TDRD1: variants seen among roughly 807,000 people sequenced by gnomAD.
The protein encoded by TDRD1 is tudor domain-containing protein 1.
TDRD1 carries 37 observed loss-of-function variants against 140.6 expected under a neutral mutation model. The ratio of observed to expected loss-of-function variants is 0.26; its 90% CI spans 0.20 to 0.35. TDRD1 has a LOEUF of 0.35. TDRD1 is among the 10% of genes least tolerant of loss of function. The pLI is 1.00. For missense variants in TDRD1, 1,243 were observed against 1,393.0 expected (o/e 0.89, Z 1.71); for synonymous variants, 506 against 475.7 (o/e 1.06, Z -0.83).
At chr10:114,192,982 G>T (rs1277973096) in intron 3 of TDRD1, among the ~76,000 whole-genome samples, 2 of 152,106 alleles carry the variant, frequency 1.3e-5, no homozygotes, top group Non-Finnish European at 2.9e-5. Context: ...AAAAAATATT[G>T]CTGGGATTTT....
At chr10:114,218,734 A>G in intron 18 of TDRD1, 150 bp downstream of exon 18, 1 of 563,638 alleles carries the variant, frequency 1.8e-6, no homozygotes, top group Admixed American at 3.9e-5. Context: ...AATATTGACC[A>G]AAAACGTCCA....
exon 19 of TDRD1, chr10:114,220,651 A>C: frequency 1.2e-6 from 2 of 1,613,746 alleles, no homozygotes; most frequent in Non-Finnish European, 1.7e-6. Context: ...ATTGCAAGCC[A>C]GAGTGGTTGA....
chr10:114,180,370 A>G (rs2032940508), intron 1 of TDRD1, among the ~76,000 whole-genome samples: 1 of 152,214 alleles, frequency 6.6e-6, no homozygotes, highest in African/African-American at 2.4e-5. Context: ...TTTGCCCAAG[A>G]TAGCGTGGCT....
chr10:114,205,924 T>C (rs924418322), intron 10 of TDRD1, among the ~76,000 whole-genome samples: 3 of 152,228 alleles, frequency 2.0e-5, no homozygotes, highest in African/African-American at 7.2e-5. Flanking sequence ...CTCTGTGGTG[T>C]GTTTATTTCA....
chr10:114,181,972 T>C (rs2033107914), intron 1 of TDRD1, among the ~76,000 whole-genome samples: 1 of 152,150 alleles, frequency 6.6e-6, no homozygotes, highest in African/African-American at 2.4e-5. Context: ...CATGTAATGG[T>C]ATGATAATTA....
At chr10:114,214,833 G>T (rs2035710589) in intron 16 of TDRD1, among the ~76,000 whole-genome samples, 2 of 151,834 alleles carry the variant, frequency 1.3e-5, no homozygotes, top group Non-Finnish European at 2.9e-5. Flanking sequence ...TGCCTCCCAG[G>T]TTCAAGCGAT....
chr10:114,203,517 T>C, exon 8 of TDRD1: 6 of 1,613,286 alleles, frequency 3.7e-6, no homozygotes, highest in Non-Finnish European at 5.1e-6. Flanking sequence ...TGAAAAAGAC[T>C]ATATTCCTGT....
chr10:114,232,440 T>C (rs2036805723), downstream of TDRD1: 1 of 151,664 alleles, frequency 6.6e-6, no homozygotes, highest in Non-Finnish European at 1.5e-5. Context: ...ATTTTTTTCA[T>C]GATTTAACTG....
At chr10:114,204,533 AAAGT>A (rs1204256563) in intron 9 of TDRD1, among the ~76,000 whole-genome samples, 185 bp from the exon 10 acceptor site, 3 of 152,230 alleles carry the variant, frequency 2.0e-5, no homozygotes, top group East Asian at 3.8e-4. Flanking sequence ...TCAAGTACCA[AAAGT>A]AAGCGTTATG....
At chr10:114,226,090 G>C (rs772337540) in exon 22 of TDRD1, 1 of 1,614,084 alleles carries the variant, frequency 6.2e-7, no homozygotes. Context: ...GGGGACATCA[G>C]ACACTGATGT....
At chr10:114,213,580 A>G in exon 15 of TDRD1, 1 of 1,613,644 alleles carries the variant, frequency 6.2e-7, no homozygotes, top group Non-Finnish European at 8.5e-7. Context: ...GACGTGAAAG[A>G]AACCAGTGGT....
In TDRD1 at chr10:114,202,181, G is replaced by A. The variant is rs544292008; in HGVS notation, c.636-57G>A. 5 of 1,322,132 alleles carry A rather than the reference G, an allele frequency of 3.8e-6. No individual in the cohort carries two copies. In the Admixed American group the frequency reaches 8.3e-5, roughly 22 times the overall value. The allele number at this position is 1,322,132 out of a possible 1,614,324, so 81.9% of individuals were successfully genotyped here. ...GAGAATACCATAATTGTGGTTGATA[G>A]CCCCTATGTTAATTGCCTCTGTAGT... On this transcript the variant is annotated intron_variant, in intron 5 of 25. Transcript: ENST00000251864.
At chr10:114,187,112 G>A (rs1201219916) in intron 1 of TDRD1, among the ~76,000 whole-genome samples, 3 of 152,188 alleles carry the variant, frequency 2.0e-5, no homozygotes, top group African/African-American at 7.2e-5. Context: ...TGTGGATAGA[G>A]GTTTCTCAGA....
exon 19 of TDRD1, chr10:114,220,692 C>T (rs2133151990): frequency 6.2e-7 from 1 of 1,613,744 alleles, no homozygotes. Flanking sequence ...GAGTTGAACT[C>T]ACCGATCTCT....
At chr10:114,227,418 A>T in intron 23 of TDRD1, 119 bp downstream of exon 23, 1 of 755,836 alleles carries the variant, frequency 1.3e-6, no homozygotes, top group Non-Finnish European at 2.2e-6. Flanking sequence ...CTCCTCCACA[A>T]ATCCAGTGGC....
chr10:114,196,912 T>C (rs915226675), intron 3 of TDRD1, among the ~76,000 whole-genome samples: 5 of 141,504 alleles, frequency 3.5e-5, no homozygotes, highest in Non-Finnish European at 3.0e-5. Flanking sequence ...AGTGGCATGA[T>C]CTGGGCTCAC....
exon 2 of TDRD1, chr10:114,187,828 C>T (rs758948082): frequency 1.9e-6 from 3 of 1,566,030 alleles, no homozygotes; most frequent in Non-Finnish European, 1.7e-6. Flanking sequence ...CTCCTTAGGC[C>T]TCGATGAGTG....
chr10:114,215,356 A>G (rs990685279), intron 16 of TDRD1, among the ~76,000 whole-genome samples: 2 of 152,158 alleles, frequency 1.3e-5, no homozygotes, highest in Admixed American at 6.5e-5. Context: ...GTTGCTGTGA[A>G]CATTACAGCA....
chr10:114,193,290 T>A (rs1316732271), intron 3 of TDRD1, among the ~76,000 whole-genome samples: 1 of 99,596 alleles, frequency 1.0e-5, no homozygotes, highest in Non-Finnish European at 2.1e-5. Context: ...TGCTGAAGTC[T>A]TTTTTTTTTT....
Sources: allele counts gnomAD v4.1 joint callset (sites outside exome capture counted in the v4.1 genomes callset), GRCh38; gene constraint gnomAD v4.1.1; transcripts MANE v1.5; gene names NCBI Gene and HGNC (gene_info 2026-07-23, HGNC 2026-07-21).